Variants in PDE6A observed in about 807,000 individuals in gnomAD.
PDE6A encodes phosphodiesterase 6A.
A neutral mutation model predicts 106.3 loss-of-function variants in PDE6A; 84 were observed. The ratio of observed to expected loss-of-function variants is 0.79; its 90% CI spans 0.66 to 0.95. PDE6A has a LOEUF of 0.95. PDE6A is among the 40% of genes least tolerant of loss of function. PDE6A has a pLI of 0.00. For synonymous variants in PDE6A, 394 were observed against 386.6 expected, an observed-to-expected ratio of 1.02 and a Z score of -0.23; for missense variants, 1,052 against 1,084.9, an observed-to-expected ratio of 0.97 and a Z score of 0.43.
rs778440533 is a variant in PDE6A, at chr5:149,896,697, C to T, written c.1473+14G>A. ...GTTATACATCGGGGCTCGTGCTGCC[C>T]CGGTTCAGCTCACCAGGATCTCAGC... On this transcript the variant is annotated intron_variant, in intron 11 of 21. Coordinates refer to ENST00000255266, the MANE Select transcript of PDE6A (RefSeq NM_000440.3). 14 of 1,614,034 alleles carry T rather than the reference C, an allele frequency of 8.7e-6. No individual in the cohort carries two copies. In the African/African-American group the frequency reaches 1.3e-4, roughly 15 times the overall value.
At chr5:149,869,230 T>C (rs1473158467) in intron 17 of PDE6A, among the ~76,000 whole-genome samples, 1 of 151,004 alleles carries the variant, frequency 6.6e-6, no homozygotes, top group East Asian at 2.0e-4. Flanking sequence ...CGCGGGAGGC[T>C]GAGGCAGGAG....
At position 149,863,147 on chromosome 5, in the gene PDE6A, C is replaced by A. The variant is rs1451222649; in HGVS notation, c.2478G>T (p.Lys826Asn). The A allele has an allele frequency of 5.6e-6, 9 of 1,613,372 alleles. No homozygotes were observed. Among genetic ancestry groups the A allele is most frequent in the Non-Finnish European group, 7.6e-6 (9 of 1,180,044 alleles). The change falls in exon 21 of 22, where the codon AAG (lysine) becomes AAT (asparagine). Residue 826 changes from lysine (K) to asparagine (N), a missense_variant. By Grantham distance (94) the Lys-to-Asn change is moderately conservative. Coordinates refer to ENST00000255266, the MANE Select transcript of PDE6A (RefSeq NM_000440.3). The surrounding 1 kb of genome is among the most constrained non-coding windows in gnomAD (Gnocchi z 4.7). ...YDAKMKVQEE[K>N]KQKQQSAKSA... ...ACTTGGCCGACTGCTGTTTCTGCTT[C>A]TTCTCCTCCTGCACCTTCATCTTGG...
chr5:149,870,165 C>T (rs1000833785), intron 17 of PDE6A, among the ~76,000 whole-genome samples: 7 of 151,756 alleles, frequency 4.6e-5, no homozygotes. Context: ...GGCATGTGCC[C>T]GTAGTCCCAG....
At chr5:149,933,379 C>T (rs1011772097) in intron 3 of PDE6A, among the ~76,000 whole-genome samples, 1 of 152,212 alleles carries the variant, frequency 6.6e-6, no homozygotes, top group Admixed American at 6.5e-5. Context: ...CCTGCCTTGG[C>T]CTCCCAAAGT....
chr5:149,870,300 G>T (rs1268605094), intron 17 of PDE6A, among the ~76,000 whole-genome samples: 1 of 152,194 alleles, frequency 6.6e-6, no homozygotes, highest in Non-Finnish European at 1.5e-5. Flanking sequence ...AGCTCTTTAA[G>T]TAAGCTTTCA....
intron 6 of PDE6A, among the ~76,000 whole-genome samples, chr5:149,907,725 A>G (rs1753245853): frequency 6.6e-6 from 1 of 152,226 alleles, no homozygotes; most frequent in Non-Finnish European, 1.5e-5. Context: ...GAGAATGAAA[A>G]AATTCATCTA....
chr5:149,899,598 C>T, intron 8 of PDE6A, 74 bp from the exon 9 acceptor site: 1 of 1,437,596 alleles, frequency 7.0e-7, no homozygotes, highest in Non-Finnish European at 9.8e-7. Context: ...TTTCACCCTA[C>T]ATCATGACCC....
chr5:149,935,270 G>T (rs1754149602), intron 1 of PDE6A, among the ~76,000 whole-genome samples: 1 of 150,432 alleles, frequency 6.6e-6, no homozygotes, highest in Non-Finnish European at 1.5e-5. Context: ...GTGTGAGTGT[G>T]TGTGTGTGTG....
rs4705387 is a variant in PDE6A, at chr5:149,860,099, T to A, written c.*796A>T. On this transcript the variant is annotated 3_prime_UTR_variant, in exon 22 of 22. Transcript: ENST00000255266. Reference sequence around the variant, plus strand: ...TAGAGACAGGGTTTTGCCATTTTGCTCAGGTTGGTCTCAGACTCCTGGGCT... The same window carrying A: ...TAGAGACAGGGTTTTGCCATTTTGCACAGGTTGGTCTCAGACTCCTGGGCT... 6.6e-6 allele frequency: 1 copy of A among 151,942 alleles called. No individual in the cohort carries two copies. Among genetic ancestry groups the A allele is most frequent in the Non-Finnish European group, 1.5e-5 (1 of 68,018 alleles). The allele number at this position is 151,942 out of a possible 1,614,324, so 9.4% of individuals were successfully genotyped here.
At chr5:149,873,798 T>C (rs527736407) in intron 17 of PDE6A, among the ~76,000 whole-genome samples, 1 of 152,104 alleles carries the variant, frequency 6.6e-6, no homozygotes, top group Admixed American at 6.5e-5. Flanking sequence ...TAAGGGGAAA[T>C]GTCAAGAGTT....
chr5:149,862,909 C>T (rs1360672015), intron 21 of PDE6A, among the ~76,000 whole-genome samples: 1 of 152,204 alleles, frequency 6.6e-6, no homozygotes, highest in Non-Finnish European at 1.5e-5. Context: ...CTGGATCGTT[C>T]CTCAGCCTCA....
At chr5:149,884,250 A>ATATATATGTGTATATATATG (rs1304246785) in intron 16 of PDE6A, among the ~76,000 whole-genome samples, 61 of 146,506 alleles carry the variant, frequency 4.2e-4, no homozygotes, top group African/African-American at 1.4e-3. Context: ...ATATATGTGT[A>ATATATATGTGTATATATATG]TATATATGTG....
intron 21 of PDE6A, among the ~76,000 whole-genome samples, chr5:149,862,208 G>T (rs1760169577): frequency 6.6e-6 from 1 of 152,206 alleles, no homozygotes; most frequent in South Asian, 2.1e-4. Context: ...AATGACTTGG[G>T]GGAGGGGCAG....
intron 7 of PDE6A, 45 bp downstream of exon 7, chr5:149,907,267 T>C: frequency 7.2e-7 from 1 of 1,385,496 alleles, no homozygotes; most frequent in East Asian, 2.3e-5. Context: ...CACTCTTTCT[T>C]CCACGTGATC....
intron 17 of PDE6A, among the ~76,000 whole-genome samples, chr5:149,881,391 C>T (rs1050486154): frequency 3.3e-5 from 5 of 152,094 alleles, no homozygotes; most frequent in East Asian, 1.9e-4. Flanking sequence ...GTGTTCCATA[C>T]GTGCCATGGA....
intron 13 of PDE6A, among the ~76,000 whole-genome samples, chr5:149,888,699 G>C (rs1245250420): frequency 8.6e-6 from 1 of 116,796 alleles, no homozygotes; most frequent in African/African-American, 4.7e-5. Flanking sequence ...AAAAAGTATA[G>C]GAAAAAGTTG....
intron 6 of PDE6A, among the ~76,000 whole-genome samples, chr5:149,909,484 G>A (rs140600893): frequency 4.6e-5 from 7 of 152,166 alleles, no homozygotes; most frequent in Admixed American, 2.6e-4. Context: ...GCCAGAAGTG[G>A]TAGTAGCTCC....
At position 149,886,313 on chromosome 5, in the gene PDE6A, A is replaced by G; in HGVS notation, c.1790T>C (p.Phe597Ser). 2 of 1,614,190 alleles carry G rather than the reference A, an allele frequency of 1.2e-6. No homozygotes were observed. The highest frequency in any genetic ancestry group is 1.7e-6 in the Non-Finnish European group (2 of 1,180,016). ...LEALAMVTAA[F>S]CHDIDHRGTN... ...GCCTCTGTGGTCAATGTCATGGCAGAAAGCAGCAGTGACCATGGCCAAGGC... is the reference window on the plus strand; with the variant it reads ...GCCTCTGTGGTCAATGTCATGGCAGGAAGCAGCAGTGACCATGGCCAAGGC... The change falls in exon 14 of 22, where the codon TTC becomes TCC. Residue 597 changes from phenylalanine (F) to serine (S), a missense_variant. Phe to Ser is a radical substitution (Grantham distance 155). Coordinates refer to ENST00000255266, the MANE Select transcript of PDE6A (RefSeq NM_000440.3).
chr5:149,887,537 C>T (rs1050643144), intron 13 of PDE6A, among the ~76,000 whole-genome samples: 6 of 152,116 alleles, frequency 3.9e-5, no homozygotes, highest in African/African-American at 1.4e-4. Context: ...TGGCACATAC[C>T]TGTGGTCTCG....
Sources: gnomAD v4.1 joint callset for allele counts (sites outside exome capture counted in the v4.1 genomes callset) on GRCh38, gnomAD v4.1.1 for gene constraint, Gnocchi (gnomAD v3.1) non-coding constraint, MANE v1.5 for transcripts, NCBI Gene and HGNC (gene_info 2026-07-23, HGNC 2026-07-21) for gene names.